Variants in TSPAN7 observed in about 807,000 individuals in gnomAD.
TSPAN7 encodes the protein tetraspanin-7.
TSPAN7 carries 1 observed loss-of-function variant against 17.6 expected under a neutral mutation model. The ratio of observed to expected loss-of-function variants is 0.06; its 90% confidence interval spans 0.02 to 0.27. TSPAN7 has a LOEUF of 0.27. TSPAN7 is among the 10% of genes least tolerant of loss of function. The pLI is 1.00. For missense variants in TSPAN7, 112 were observed against 201.7 expected, an observed-to-expected ratio of 0.56 and a Z score of 2.69; for synonymous variants, 78 against 79.0, an observed-to-expected ratio of 0.99 and a Z score of 0.07.
At chrX:38,569,505 T>G (rs961395524) in intron 1 of TSPAN7, among the ~76,000 whole-genome samples, 18 of 75,592 alleles carry the variant, frequency 2.4e-4, no homozygotes, top group African/African-American at 3.9e-4. Flanking sequence ...GGGGTGGGGG[T>G]GGGGAATCTA....
rs1302270380 is a variant in TSPAN7 at position 38,666,174 on chromosome X, C to A, written c.135C>A (p.Gly45=). The change falls in exon 2 of 8, where the codon GGC becomes GGA. Residue 45 remains glycine, a synonymous_variant. Coordinates refer to ENST00000378482, the MANE Select transcript of TSPAN7 (RefSeq NM_004615.4). The part of the protein sequence containing the change: ...AVGVWGKLTL[G]TYISLIAENS... ...GAGTCTGGGGCAAACTTACTCTGGG[C>A]ACCTATATCTCCCTTATTGCCGAGA... 8.3e-7 allele frequency: 1 copy of A among 1,209,841 alleles called. No homozygotes were observed. The highest frequency in any genetic ancestry group is 1.8e-5 in the South Asian group (1 of 56,870).
intron 1 of TSPAN7, among the ~76,000 whole-genome samples, chrX:38,623,503 C>T (rs1202444623): frequency 9.1e-6 from 1 of 109,613 alleles, no homozygotes; most frequent in Admixed American, 9.6e-5. Flanking sequence ...CTCCCCATTC[C>T]CTTAATGCAG....
At chrX:38,667,193 C>G (rs958624468) in intron 2 of TSPAN7, among the ~76,000 whole-genome samples, 2 of 111,598 alleles carry the variant, frequency 1.8e-5, no homozygotes, top group African/African-American at 3.3e-5. Context: ...AGGGTGCATA[C>G]TCTCATGGGA....
chrX:38,580,185 T>C (rs1441360082), intron 1 of TSPAN7, among the ~76,000 whole-genome samples: 2 of 111,872 alleles, frequency 1.8e-5, no homozygotes, highest in Admixed American at 9.5e-5. Context: ...AACAGCAGAG[T>C]TGAATAGCTA....
At chrX:38,585,340 A>G (rs2069252130) in intron 1 of TSPAN7, among the ~76,000 whole-genome samples, 2 of 111,184 alleles carry the variant, frequency 1.8e-5, no homozygotes, top group African/African-American at 3.3e-5. Flanking sequence ...TGTGCTTTCA[A>G]TTTGCATTCT....
chrX:38,583,506 T>C (rs2069238770), intron 1 of TSPAN7, among the ~76,000 whole-genome samples: 1 of 112,249 alleles, frequency 8.9e-6, no homozygotes, highest in South Asian at 3.7e-4. Context: ...GATTTAATTG[T>C]GAATAAAATG....
chrX:38,638,166 C>G (rs1052665927), intron 1 of TSPAN7, among the ~76,000 whole-genome samples: 32 of 112,235 alleles, frequency 2.9e-4, no homozygotes, highest in African/African-American at 9.7e-4. Context: ...ACCTCTCTCC[C>G]CGCTAACTTC....
At chrX:38,583,726 T>A (rs1326972319) in intron 1 of TSPAN7, among the ~76,000 whole-genome samples, 2 of 110,620 alleles carry the variant, frequency 1.8e-5, no homozygotes, top group Admixed American at 1.9e-4. Context: ...AATCTACAAT[T>A]CAGATGATGC....
intron 1 of TSPAN7, among the ~76,000 whole-genome samples, chrX:38,623,391 G>T (rs1373320840): frequency 9.1e-6 from 1 of 109,975 alleles, no homozygotes; most frequent in Non-Finnish European, 1.9e-5. Flanking sequence ...ACTGTGTTCT[G>T]GGAGTTTCTC....
intron 1 of TSPAN7, among the ~76,000 whole-genome samples, chrX:38,583,808 G>T (rs1339034211): frequency 2.7e-5 from 3 of 111,169 alleles, no homozygotes; most frequent in Non-Finnish European, 5.7e-5. Flanking sequence ...ATCTGCTGAA[G>T]CACGTAACTT....
At chrX:38,629,397 C>T (rs761044695) in intron 1 of TSPAN7, among the ~76,000 whole-genome samples, 4 of 112,547 alleles carry the variant, frequency 3.6e-5, no homozygotes, top group Middle Eastern at 4.6e-3. Flanking sequence ...AATTATCACA[C>T]GGTTCACTTG....
At chrX:38,675,456 G>A (rs766496562) in intron 4 of TSPAN7, among the ~76,000 whole-genome samples, 29 of 112,059 alleles carry the variant, frequency 2.6e-4, no homozygotes, top group African/African-American at 9.4e-4. Context: ...CAGACGCACT[G>A]CTTTGCTTTG....
intron 1 of TSPAN7, among the ~76,000 whole-genome samples, chrX:38,583,382 A>G (rs2069238037): frequency 9.0e-6 from 1 of 111,722 alleles, no homozygotes; most frequent in African/African-American, 3.3e-5. Flanking sequence ...CCATCATAGT[A>G]CTCATGTTGT....
intron 1 of TSPAN7, among the ~76,000 whole-genome samples, chrX:38,629,249 AC>A (rs1448608457): frequency 8.9e-6 from 1 of 112,454 alleles, no homozygotes; most frequent in Non-Finnish European, 1.9e-5. Flanking sequence ...AATCACACAG[AC>A]CTGTAGCATT....
At chrX:38,619,684 G>A (rs2069478503) in intron 1 of TSPAN7, among the ~76,000 whole-genome samples, 1 of 111,629 alleles carries the variant, frequency 9.0e-6, no homozygotes. Flanking sequence ...TCGGTTTTGT[G>A]TTCATGGGTT....
At chrX:38,617,230 T>C (rs1422101142) in intron 1 of TSPAN7, among the ~76,000 whole-genome samples, 1 of 112,276 alleles carries the variant, frequency 8.9e-6, no homozygotes, top group African/African-American at 3.2e-5. Flanking sequence ...TGTTAAAAGA[T>C]AATATTCAGA....
At chrX:38,661,756 C>T (rs953485659) in intron 1 of TSPAN7, among the ~76,000 whole-genome samples, 1 of 111,444 alleles carries the variant, frequency 9.0e-6, no homozygotes, top group African/African-American at 3.3e-5. Context: ...TTTGAGGTCT[C>T]TGAGGAGCTC....
chrX:38,589,995 C>T (rs2069281846), intron 1 of TSPAN7, among the ~76,000 whole-genome samples: 2 of 113,105 alleles, frequency 1.8e-5, no homozygotes, highest in South Asian at 7.2e-4. Flanking sequence ...CTGGTCTGAT[C>T]TGGATTCTAC....
intron 1 of TSPAN7, among the ~76,000 whole-genome samples, chrX:38,607,093 C>T (rs923671547): frequency 2.7e-5 from 3 of 111,462 alleles, no homozygotes; most frequent in Non-Finnish European, 3.8e-5. Context: ...TAGAAGTCTG[C>T]GCTTAGCTTG....
Sources: allele counts gnomAD v4.1 joint callset (sites outside exome capture counted in the v4.1 genomes callset), GRCh38; gene constraint gnomAD v4.1.1; transcripts MANE v1.5; gene names NCBI Gene and HGNC (gene_info 2026-07-23, HGNC 2026-07-21).